MYO7B: variants seen among roughly 807,000 people sequenced by gnomAD.
MYO7B encodes the protein unconventional myosin-VIIb.
In MYO7B, 212 loss-of-function variants were observed where a neutral mutation model predicts 259.7. That is an observed-to-expected ratio of 0.82 (90% CI 0.73 to 0.91). The LOEUF is 0.91. Among genes scored for constraint, MYO7B ranks in the 40% least tolerant of loss-of-function variants. MYO7B has a pLI of 0.00. For synonymous variants in MYO7B, 1,197 were observed against 1,166.4 expected (o/e 1.03, Z -0.54); for missense variants, 2,732 against 2,813.5 (o/e 0.97, Z 0.66).
rs373230646 is a variant in MYO7B at position 127,584,814 on chromosome 2, G to A, written c.1591G>A (p.Val531Ile). The change falls in exon 14 of 48, where the codon GTC becomes ATC. Residue 531 changes from valine to isoleucine, a missense_variant. Around this residue, in one of 3 missense-constraint regions of MYO7B, gnomAD observed 1,906 missense variants for 2,026.4 expected, o/e 0.94. Transcript: ENST00000409816. This position sits in a 1 kb window ranked among gnomAD's most constrained non-coding sequence, Gnocchi z 5.8. ...CACCATGCTGCAAAAGCTGAACAGC[G>A]TCCATGCCAACAACAAGGCCTTCCT... ...DLTMLQKLNS[V>I]HANNKAFLQP... 59 of 1,613,796 alleles carry A rather than the reference G, an allele frequency of 3.7e-5. No individual in the cohort carries two copies. The highest frequency in any genetic ancestry group is 6.6e-5 in the South Asian group (6 of 91,084).
Position 127,607,540 on chromosome 2 carries a change from C to T in MYO7B, c.2643+116C>T. The T allele has an allele frequency of 1.2e-6, 1 of 813,864 alleles. No homozygotes were observed. Among genetic ancestry groups the T allele is most frequent in the East Asian group, 2.7e-5 (1 of 37,394 alleles). The allele number at this position is 813,864 out of a possible 1,614,324, so 50.4% of individuals were successfully genotyped here. A position where few individuals can be genotyped will look rare whatever the true frequency, so the allele number is the denominator to read the frequency against. On this transcript the variant is annotated intron_variant, in intron 21 of 47. Coordinates refer to ENST00000409816, the MANE Select transcript of MYO7B (RefSeq NM_001393586.1). This position sits in a 1 kb window ranked among gnomAD's most constrained non-coding sequence, Gnocchi z 4.4. ...TCACCAGAAGCGCTTTGGAAAATCC[C>T]CCCGCCCCCGCCACAAGCCAAGACG...
chr2:127,635,942 G>A, intron 44 of MYO7B, 35 bp downstream of exon 44: 1 of 1,546,616 alleles, frequency 6.5e-7, no homozygotes, highest in South Asian at 1.2e-5. Context: ...TTCTTGTGCT[G>A]CTGCTCCTCC....
chr2:127,563,548 A>G (rs149336506), intron 2 of MYO7B, among the ~76,000 whole-genome samples: 2 of 152,184 alleles, frequency 1.3e-5, no homozygotes, highest in African/African-American at 4.8e-5. Flanking sequence ...TCCTAGAACC[A>G]AGACAGGCCA....
At chr2:127,536,988 A>T (rs893200406) in intron 1 of MYO7B, among the ~76,000 whole-genome samples, 5 of 152,170 alleles carry the variant, frequency 3.3e-5, no homozygotes, top group African/African-American at 1.2e-4. Context: ...ATATGTGTTG[A>T]TATTGCTTCC....
intron 6 of MYO7B, among the ~76,000 whole-genome samples, chr2:127,570,956 A>C (rs1678577095): frequency 1.3e-5 from 2 of 152,184 alleles, no homozygotes; most frequent in East Asian, 3.8e-4. Flanking sequence ...GTAGAATTCC[A>C]TTGCGTGAAG....
chr2:127,634,919 G>T, intron 42 of MYO7B: 1 of 639,746 alleles, frequency 1.6e-6, no homozygotes, highest in Non-Finnish European at 2.8e-6. Context: ...ACCCTCATGG[G>T]CTGGGAGTGC....
At chr2:127,562,276 C>T (rs1395873147) in intron 2 of MYO7B, among the ~76,000 whole-genome samples, 1 of 152,054 alleles carries the variant, frequency 6.6e-6, no homozygotes, top group Non-Finnish European at 1.5e-5. Context: ...CGATCTTCTT[C>T]CTAATTCTAA....
intron 40 of MYO7B, among the ~76,000 whole-genome samples, chr2:127,633,784 C>T (rs932669331): frequency 6.6e-5 from 10 of 152,168 alleles, no homozygotes; most frequent in Admixed American, 5.2e-4. Flanking sequence ...AGGACCCCAC[C>T]GTGACACAGA....
chr2:127,593,405 G>A, intron 17 of MYO7B, 141 bp from the exon 18 acceptor site: 3 of 775,894 alleles, frequency 3.9e-6, no homozygotes, highest in South Asian at 1.8e-5. Flanking sequence ...CGAGGTTCCC[G>A]TTGTGCCTGT....
At chr2:127,554,464 G>GAT (rs1243794234) in intron 1 of MYO7B, among the ~76,000 whole-genome samples, 1 of 152,230 alleles carries the variant, frequency 6.6e-6, no homozygotes, top group African/African-American at 2.4e-5. Context: ...TTTTTGAGAT[G>GAT]CTGTTGGATT....
At chr2:127,635,061 G>A in intron 42 of MYO7B, 59 bp from the exon 43 acceptor site, 3 of 1,405,022 alleles carry the variant, frequency 2.1e-6, no homozygotes, top group Admixed American at 1.9e-5. Context: ...GGTGGCAGGG[G>A]GTCAGGGCTG....
At chr2:127,541,797 G>C (rs558581244) in intron 1 of MYO7B, among the ~76,000 whole-genome samples, 78 of 152,344 alleles carry the variant, frequency 5.1e-4, no homozygotes, top group African/African-American at 1.8e-3. Context: ...TCCTAGAAGA[G>C]GTTCTTCTCC....
intron 26 of MYO7B, among the ~76,000 whole-genome samples, chr2:127,619,168 G>T (rs1425032037): frequency 1.3e-5 from 2 of 148,186 alleles, no homozygotes; most frequent in African/African-American, 5.0e-5. Context: ...TTGGGTTGTG[G>T]TGGCTGGTTG....
chr2:127,630,467 GC>G (rs1681410715), intron 35 of MYO7B, among the ~76,000 whole-genome samples: 1 of 152,174 alleles, frequency 6.6e-6, no homozygotes, highest in Non-Finnish European at 1.5e-5. Context: ...GTGAGAGGTG[GC>G]CCCATGGAGA....
intron 15 of MYO7B, among the ~76,000 whole-genome samples, 148 bp from the exon 16 acceptor site, chr2:127,589,916 GTGGATGGGTGAGTGGGTGGATGGATACA>G (rs1679492211): frequency 6.9e-6 from 1 of 145,856 alleles, no homozygotes; most frequent in South Asian, 2.2e-4. Flanking sequence ...GAAGGGGTGG[GTGGATGGGTGAGTGGGTGGATGGATACA>G]TGGATGGGTG....
In MYO7B at chr2:127,635,801, C is replaced by T. The variant is rs199543587; in HGVS notation, c.5900C>T (p.Ala1967Val). 36 of 1,594,598 alleles carry T rather than the reference C, an allele frequency of 2.3e-5. No homozygotes were observed. In the African/African-American group the frequency reaches 3.2e-4, roughly 14 times the overall value. ...CACCTGGCGGGCCTCATCTACAAGG[C>T]CCAGTTCAACAACGACCGGTCCCAG... ...AIHLAGLIYK[A>V]QFNNDRSQLA... The change falls in exon 44 of 48, where the codon GCC becomes GTC. Residue 1967 changes from alanine to valine, a missense_variant. Around this residue, in one of 3 missense-constraint regions of MYO7B, gnomAD observed 821 missense variants for 769.3 expected, o/e 1.07. Coordinates refer to ENST00000409816, the MANE Select transcript of MYO7B (RefSeq NM_001393586.1).
rs147489602 is a variant in MYO7B, at chr2:127,546,026, T to C, written c.-24+10195T>C. Among the ~76,000 whole-genome samples, 14 of 152,352 alleles carry C rather than the reference T, an allele frequency of 9.2e-5. No individual in the cohort carries two copies. The East Asian group carries it at 2.7e-3, about 29-fold the overall frequency. The stretch of plus-strand genomic sequence containing the variant: ...TCCAACCTGTGTTCTTCTTGAGTGA[T>C]GGCTTCCATGCCAGGTACTCTCAGC... On this transcript the variant is annotated intron_variant, in intron 1 of 47. Transcript: ENST00000409816. The surrounding 1 kb of genome is among the most constrained non-coding windows in gnomAD (Gnocchi z 4.2).
chr2:127,634,647 TCTGA>T lies in MYO7B; in HGVS notation c.5681_5684del (p.Asp1894GlyfsTer2). On this transcript the variant is annotated frameshift_variant, in exon 42 of 48. Transcript: ENST00000409816. LOFTEE classifies it high-confidence loss of function. Reference sequence around the variant, plus strand: ...CTTCTTTGATTCCTTGAGGGAGGTGTCTGACTGGGTGAAGAAGAACAAGCCCCAG... The same window carrying T: ...CTTCTTTGATTCCTTGAGGGAGGTGTCTGGGTGAAGAAGAACAAGCCCCAG... The T allele has an allele frequency of 3.7e-6, 6 of 1,612,046 alleles. No individual in the cohort carries two copies. Among genetic ancestry groups the T allele is most frequent in the South Asian group, 2.2e-5 (2 of 90,820 alleles).
Position 127,625,498 on chromosome 2 carries a change from A to T in MYO7B, c.4178A>T (p.Asp1393Val), listed in dbSNP as rs2105096849. ...PHKLYRTKPP[D>V]RWASLVTAAC... ...AAGCTGTACAGGACCAAGCCCCCAG[A>T]CAGGTGGGCGAGCCTCGTCACTGCC... The change falls in exon 31 of 48, where the codon GAC becomes GTC. Residue 1393 changes from aspartate (D) to valine (V), a missense_variant. Asp to Val is a radical substitution (Grantham distance 152, BLOSUM62 -3). This residue lies in a region of MYO7B where 1,906 missense variants were observed against 2,026.4 expected (regional missense o/e 0.94). Transcript: ENST00000409816. 6.2e-7 allele frequency: 1 copy of T among 1,609,448 alleles called. No homozygotes were observed. Among genetic ancestry groups the T allele is most frequent in the South Asian group, 1.1e-5 (1 of 90,776 alleles).
Sources: allele counts gnomAD v4.1 joint callset (sites outside exome capture counted in the v4.1 genomes callset), GRCh38; gene constraint gnomAD v4.1.1; regional missense constraint gnomAD v4.1.1; non-coding constraint Gnocchi (gnomAD v3.1); transcripts MANE v1.5; gene names NCBI Gene and HGNC (gene_info 2026-07-23, HGNC 2026-07-21).